MYO5B: variants seen among roughly 807,000 people sequenced by gnomAD.
MYO5B encodes unconventional myosin-Vb.
A neutral mutation model predicts 229.3 loss-of-function variants in MYO5B; 143 were observed. That is an observed-to-expected ratio of 0.62 (90% CI 0.54 to 0.72). The LOEUF (loss-of-function observed/expected upper bound fraction) is 0.72. MYO5B is among the 30% of genes least tolerant of loss of function. MYO5B has a pLI of 0.00. For synonymous variants in MYO5B, 918 were observed against 885.2 expected (o/e 1.04, Z -0.66); for missense variants, 2,321 against 2,331.0 (o/e 1.00, Z 0.09).
chr18:49,947,697 G>T (rs540472695), intron 14 of MYO5B, among the ~76,000 whole-genome samples: 1 of 152,164 alleles, frequency 6.6e-6, no homozygotes, highest in South Asian at 2.1e-4. Context: ...TGTCCCCTTC[G>T]AACTCAAACA....
intron 27 of MYO5B, among the ~76,000 whole-genome samples, chr18:49,869,205 T>C (rs533262775): frequency 1.4e-4 from 22 of 152,182 alleles, no homozygotes; most frequent in Non-Finnish European, 2.5e-4. Context: ...AGGAGGGATG[T>C]GCACAGCGGG....
At chr18:50,177,581 C>T (rs1466095405) in intron 1 of MYO5B, among the ~76,000 whole-genome samples, 9 of 152,216 alleles carry the variant, frequency 5.9e-5, no homozygotes, top group Admixed American at 4.6e-4. Context: ...TGCCTTGAGC[C>T]CCTCCCTGGA....
chr18:50,159,374 G>C (rs2032729506), intron 1 of MYO5B, among the ~76,000 whole-genome samples: 1 of 152,122 alleles, frequency 6.6e-6, no homozygotes, highest in African/African-American at 2.4e-5. Context: ...CAATCCCCTG[G>C]CATGTTCAAG....
rs1035484501 is a variant in MYO5B at position 49,912,133 on chromosome 18, C to T, written c.2131G>A (p.Val711Ile). The change falls in exon 18 of 40, where the codon GTC (valine) becomes ATC (isoleucine). Residue 711 changes from valine to isoleucine, a missense_variant. Coordinates refer to ENST00000285039, the MANE Select transcript of MYO5B (RefSeq NM_001080467.3). ...GTGTTGGCGAGCTCTCTCTTCTTGA[C>T]CAGCACCCGATACCGGTTGAAAAAG... ...HDFFNRYRVL[V>I]KKRELANTDK... The T allele has an allele frequency of 6.2e-7, 1 of 1,614,050 alleles. No individual in the cohort carries two copies. The highest frequency in any genetic ancestry group is 8.5e-7 in the Non-Finnish European group (1 of 1,180,028).
At chr18:50,139,513 C>T (rs1392728487) in intron 1 of MYO5B, among the ~76,000 whole-genome samples, 1 of 152,166 alleles carries the variant, frequency 6.6e-6, no homozygotes, top group Non-Finnish European at 1.5e-5. Flanking sequence ...TTCATTGGCA[C>T]GACTTAGAGA....
intron 17 of MYO5B, among the ~76,000 whole-genome samples, chr18:49,916,973 G>A (rs975438623): frequency 6.6e-6 from 1 of 152,148 alleles, no homozygotes; most frequent in Non-Finnish European, 1.5e-5. Flanking sequence ...GATTTGGTGG[G>A]GACCTTTGGG....
intron 2 of MYO5B, among the ~76,000 whole-genome samples, chr18:50,046,200 T>C (rs1193886382): frequency 6.6e-6 from 1 of 152,182 alleles, no homozygotes; most frequent in Non-Finnish European, 1.5e-5. Flanking sequence ...TGTATTCAAC[T>C]CCTGGTCCAT....
At chr18:50,158,548 T>G (rs898648950) in intron 1 of MYO5B, among the ~76,000 whole-genome samples, 7 of 152,210 alleles carry the variant, frequency 4.6e-5, no homozygotes, top group Non-Finnish European at 8.8e-5. Context: ...TTAAATTTCA[T>G]CATGTGATGC....
At chr18:50,158,902 T>C (rs1392782701) in intron 1 of MYO5B, among the ~76,000 whole-genome samples, 1 of 152,178 alleles carries the variant, frequency 6.6e-6, no homozygotes, top group African/African-American at 2.4e-5. Context: ...TGAAGTCCTC[T>C]AGATTAAACA....
chr18:49,894,476 G>T (rs1348946210), intron 22 of MYO5B, among the ~76,000 whole-genome samples: 5 of 152,180 alleles, frequency 3.3e-5, no homozygotes, highest in Non-Finnish European at 7.3e-5. Flanking sequence ...GCCCACCAGG[G>T]TGGGTGTGAC....
chr18:50,064,044 T>C (rs944251435), intron 1 of MYO5B: 1 of 152,248 alleles, frequency 6.6e-6, no homozygotes, highest in African/African-American at 2.4e-5. Context: ...GAAGCAGTGA[T>C]AGCAGAGGCT....
intron 5 of MYO5B, among the ~76,000 whole-genome samples, chr18:49,996,668 G>C (rs2025990872): frequency 6.6e-6 from 1 of 152,170 alleles, no homozygotes; most frequent in African/African-American, 2.4e-5. Context: ...ACAATAAAGA[G>C]GTATGTATCA....
chr18:50,068,638 C>T (rs985973997), intron 1 of MYO5B, among the ~76,000 whole-genome samples: 4 of 152,156 alleles, frequency 2.6e-5, no homozygotes, highest in Middle Eastern at 3.2e-3. Flanking sequence ...TCCAGGATGA[C>T]TGAGAATATG....
At chr18:50,089,258 G>A (rs141103757) in intron 1 of MYO5B, among the ~76,000 whole-genome samples, 5,776 of 152,088 alleles carry the variant, frequency 0.038, 363 homozygotes, top group African/African-American at 0.13. Flanking sequence ...CATGCCTGTA[G>A]TCCCAGCTAC....
chr18:49,871,953 G>A (rs1464846162), intron 27 of MYO5B, among the ~76,000 whole-genome samples: 3 of 152,164 alleles, frequency 2.0e-5, no homozygotes, highest in Non-Finnish European at 2.9e-5. Flanking sequence ...ATTATATTGG[G>A]TAGGTTATGT....
chr18:49,943,292 A>T (rs1018772195), intron 14 of MYO5B, among the ~76,000 whole-genome samples: 3 of 151,962 alleles, frequency 2.0e-5, no homozygotes, highest in African/African-American at 7.2e-5. Flanking sequence ...GGTGCAGCAC[A>T]CCAACATGAC....
At chr18:50,174,151 A>G (rs945902902) in intron 1 of MYO5B, among the ~76,000 whole-genome samples, 1 of 152,188 alleles carries the variant, frequency 6.6e-6, no homozygotes, top group African/African-American at 2.4e-5. Flanking sequence ...TGGTACTTAC[A>G]TCAGTGACCC....
intron 4 of MYO5B, among the ~76,000 whole-genome samples, chr18:50,013,950 G>A (rs2026189317): frequency 1.3e-5 from 2 of 152,162 alleles, no homozygotes; most frequent in African/African-American, 2.4e-5. Flanking sequence ...ACAGCCTCAG[G>A]TGCCGCTGGG....
At chr18:49,869,441 T>G (rs945565683) in intron 27 of MYO5B, among the ~76,000 whole-genome samples, 8 of 152,154 alleles carry the variant, frequency 5.3e-5, no homozygotes, top group African/African-American at 1.9e-4. Context: ...TAAAATCATT[T>G]CATCAGAGAC....
Sources: allele counts gnomAD v4.1 joint callset (sites outside exome capture counted in the v4.1 genomes callset), GRCh38; gene constraint gnomAD v4.1.1; transcripts MANE v1.5; gene names NCBI Gene and HGNC (gene_info 2026-07-23, HGNC 2026-07-21).